The following MANEAL variants were observed in gnomAD, a reference collection of about 807,000 sequenced individuals.
The protein encoded by MANEAL is glycoprotein endo-alpha-1,2-mannosidase-like protein.
MANEAL carries 28 observed loss-of-function variants against 35.9 expected under a neutral mutation model. The ratio of observed to expected loss-of-function variants is 0.78; its 90% CI spans 0.58 to 1.07. The LOEUF (loss-of-function observed/expected upper bound fraction) is 1.07, where lower values mean the gene tolerates loss of function less well. MANEAL is among the 50% of genes least tolerant of loss of function. MANEAL has a pLI of 0.00. For synonymous variants in MANEAL, 286 were observed against 272.2 expected (o/e 1.05, Z -0.50); for missense variants, 576 against 629.6 (o/e 0.91, Z 0.91).
In MANEAL at chr1:37,799,661, G is replaced by A. The variant is rs780621575; in HGVS notation, c.832G>A (p.Glu278Lys). The A allele has an allele frequency of 6.2e-7, 1 of 1,614,190 alleles. No individual in the cohort carries two copies. The highest frequency in any genetic ancestry group is 1.6e-4 in the Middle Eastern group (1 of 6,062). ...YIYDSYLTSP[E>K]AWAHLLTPNG... ...CTACGACTCATACCTGACGTCCCCT[G>A]AGGCCTGGGCCCACCTCCTGACACC... The change falls in exon 4 of 4, where the codon GAG (glutamate) becomes AAG (lysine). Residue 278 changes from glutamate to lysine, a missense_variant. Physicochemically the swap from Glu to Lys is moderately conservative, Grantham distance 56. Coordinates refer to ENST00000373045, the MANE Select transcript of MANEAL (RefSeq NM_001113482.2). The surrounding 1 kb of genome is among the most constrained non-coding windows in gnomAD (Gnocchi z 4.1).
chr1:37,794,378 G>A lies in MANEAL; in HGVS notation c.196G>A (p.Ala66Thr). 1 of 1,073,436 alleles carries A rather than the reference G, an allele frequency of 9.3e-7. No homozygotes were observed. Among genetic ancestry groups the A allele is most frequent in the Non-Finnish European group, 1.1e-6 (1 of 888,220 alleles). The allele number at this position is 1,073,436 out of a possible 1,614,324, so 66.5% of individuals were successfully genotyped here. The change falls in exon 1 of 4, where the codon GCC (alanine) becomes ACC (threonine). Residue 66 changes from alanine (A) to threonine (T), a missense_variant. This residue lies in a region of MANEAL where 122 missense variants were observed against 97.2 expected (regional missense o/e 1.26). Coordinates refer to ENST00000373045, the MANE Select transcript of MANEAL (RefSeq NM_001113482.2). This position sits in a 1 kb window ranked among gnomAD's most constrained non-coding sequence, Gnocchi z 5.7. ...APAARAPAAP[A>T]APPPPPPPPR... ...CGCTGCCAGGGCCCCGGCAGCCCCT[G>A]CCGCGCCGCCCCCGCCGCCGCCGCC...
intron 2 of MANEAL, among the ~76,000 whole-genome samples, chr1:37,796,308 C>T (rs1438603069): frequency 2.0e-5 from 3 of 152,180 alleles, no homozygotes; most frequent in Admixed American, 1.3e-4. Context: ...TCATCCCTTG[C>T]TTCTGTGGTG....
chr1:37,799,532 C>A lies in MANEAL; in HGVS notation c.738-35C>A, dbSNP rs1025223549. The A allele has an allele frequency of 3.1e-6, 5 of 1,596,254 alleles. No homozygotes were observed. Among genetic ancestry groups the A allele is most frequent in the Non-Finnish European group, 4.3e-6 (5 of 1,171,556 alleles). ...AGGTCCTACAGCTGTGCTGGTCTCT[C>A]CCATCCAGCTGAGGCTCTTCTTTCT... On this transcript the variant is annotated intron_variant, in intron 3 of 3. Transcript: ENST00000373045. The surrounding 1 kb of genome is among the most constrained non-coding windows in gnomAD (Gnocchi z 4.1).
Position 37,794,275 on chromosome 1 carries a change from TC to T in MANEAL, c.95del (p.Pro32ArgfsTer144). The T allele has an allele frequency of 7.9e-7, 1 of 1,270,366 alleles. No homozygotes were observed. The highest frequency in any genetic ancestry group is 1.9e-5 in the South Asian group (1 of 53,834). 78.7% of individuals were successfully genotyped at this position (1,270,366 alleles called of 1,614,324 possible). A position where few individuals can be genotyped will look rare whatever the true frequency, so the allele number is the denominator to read the frequency against. On this transcript the variant is annotated frameshift_variant, in exon 1 of 4. Coordinates refer to ENST00000373045, the MANE Select transcript of MANEAL (RefSeq NM_001113482.2). LOFTEE classifies it high-confidence loss of function. The surrounding 1 kb of genome is among the most constrained non-coding windows in gnomAD (Gnocchi z 5.7). The part of the protein sequence containing the change: ...TLMGLRTLKA[P>X]DGLPALGPGL... ...TCATGGGTCTGCGCACGCTCAAGGC[TC>T]CGGACGGACTCCCGGCGCTGGGCCC...
Position 37,795,758 on chromosome 1 carries a change from ACCCACCTGGCATGGCTGATGATAAC to A in MANEAL, c.573_597del (p.Tyr191Ter). 1 of 1,614,082 alleles carries A rather than the reference ACCCACCTGGCATGGCTGATGATAAC, an allele frequency of 6.2e-7. No homozygotes were observed. Among genetic ancestry groups the A allele is most frequent in the Non-Finnish European group, 8.5e-7 (1 of 1,180,002 alleles). ...TCAGGCGTCCTGGTCCTGTCCTGGT[ACCCACCTGGCATGGCTGATGATAAC>A]GGGGAGCCCTCAGATGACCTGGTGC... On this transcript the variant is annotated frameshift_variant, in exon 2 of 4. Coordinates refer to ENST00000373045, the MANE Select transcript of MANEAL (RefSeq NM_001113482.2). LOFTEE classifies it high-confidence loss of function.
intron 1 of MANEAL, 28 bp from the exon 2 acceptor site, chr1:37,795,709 C>G: frequency 6.2e-7 from 1 of 1,613,880 alleles, no homozygotes; most frequent in Non-Finnish European, 8.5e-7. Flanking sequence ...CTGTGTGTCT[C>G]TGAAGTGGCC....
intron 3 of MANEAL, among the ~76,000 whole-genome samples, chr1:37,798,175 AG>A (rs1646661834): frequency 6.6e-6 from 1 of 151,910 alleles, no homozygotes; most frequent in Non-Finnish European, 1.5e-5. Context: ...AAAAAAAGAG[AG>A]TATTGAGTGC....
At position 37,795,848 on chromosome 1, in the gene MANEAL, T is replaced by TGA. The variant is rs1268814140; in HGVS notation, c.660+4_660+5dup. 1 of 1,613,258 alleles carries TGA rather than the reference T, an allele frequency of 6.2e-7. No homozygotes were observed. The highest frequency in any genetic ancestry group is 1.3e-5 in the African/African-American group (1 of 74,848). The stretch of plus-strand genomic sequence containing the variant: ...ACCGCCCATCAGTACAGCATCCAGG[T>TGA]GAGTCTCCAAGAAGAGGCCACGTGC... On this transcript the variant is annotated splice_region_variant and intron_variant, in intron 2 of 3. Coordinates refer to ENST00000373045, the MANE Select transcript of MANEAL (RefSeq NM_001113482.2).
chr1:37,799,516 A>AG lies in MANEAL; in HGVS notation c.738-50dup, dbSNP rs1443666613. ...GTATCTCATCCACGGGAGGTCCTAC[A>AG]GCTGTGCTGGTCTCTCCCATCCAGC... On this transcript the variant is annotated intron_variant, in intron 3 of 3. Transcript: ENST00000373045. This position sits in a 1 kb window ranked among gnomAD's most constrained non-coding sequence, Gnocchi z 4.1. The AG allele has an allele frequency of 1.9e-6, 3 of 1,570,770 alleles. No individual in the cohort carries two copies. Among genetic ancestry groups the AG allele is most frequent in the South Asian group, 1.2e-5 (1 of 85,158 alleles).
At position 37,800,358 on chromosome 1, in the gene MANEAL, C is replaced by T. The variant is rs1646688334; in HGVS notation, c.*155C>T. On this transcript the variant is annotated 3_prime_UTR_variant, in exon 4 of 4. Transcript: ENST00000373045. Reference sequence around the variant, plus strand: ...GTGGGCCGTCAGGCATGGGCCTGTGCAACACAGAGCCCGTTCCTCAGGCGA... The same window carrying T: ...GTGGGCCGTCAGGCATGGGCCTGTGTAACACAGAGCCCGTTCCTCAGGCGA... 2 of 834,934 alleles carry T rather than the reference C, an allele frequency of 2.4e-6. No individual in the cohort carries two copies. Among genetic ancestry groups the T allele is most frequent in the African/African-American group, 1.7e-5 (1 of 58,450 alleles). The allele number at this position is 834,934 out of a possible 1,614,324, so 51.7% of individuals were successfully genotyped here.
chr1:37,794,077 G>C lies in MANEAL; in HGVS notation c.-106G>C, dbSNP rs1646620054. 3 of 761,750 alleles carry C rather than the reference G, an allele frequency of 3.9e-6. No individual in the cohort carries two copies. Among genetic ancestry groups the C allele is most frequent in the South Asian group, 1.2e-4 (2 of 16,448 alleles). 47.2% of individuals were successfully genotyped at this position (761,750 alleles called of 1,614,324 possible). Reference sequence around the variant, plus strand: ...ACAGGCCGGGCGCCGCCCACGCCGCGCTCTGCCGGGCGCACAGTCTGCCTG... The same window carrying C: ...ACAGGCCGGGCGCCGCCCACGCCGCCCTCTGCCGGGCGCACAGTCTGCCTG... On this transcript the variant is annotated 5_prime_UTR_variant, in exon 1 of 4. Transcript: ENST00000373045. This position sits in a 1 kb window ranked among gnomAD's most constrained non-coding sequence, Gnocchi z 5.7.
Position 37,794,145 on chromosome 1 carries a change from G to A in MANEAL, c.-38G>A, listed in dbSNP as rs746029887. 1.0e-4 allele frequency: 117 copies of A among 1,132,510 alleles called. No individual in the cohort carries two copies. The highest frequency in any genetic ancestry group is 1.2e-4 in the Non-Finnish European group (110 of 925,612). The allele number at this position is 1,132,510 out of a possible 1,614,324, so 70.2% of individuals were successfully genotyped here. On this transcript the variant is annotated 5_prime_UTR_variant, in exon 1 of 4. Transcript: ENST00000373045. This position sits in a 1 kb window ranked among gnomAD's most constrained non-coding sequence, Gnocchi z 5.7. Reference sequence around the variant, plus strand: ...CGGGCGGCCATGGCGCGGCACGCTGGGAGGTAGCGCGGCGGCTGCAGGAGC... The same window carrying A: ...CGGGCGGCCATGGCGCGGCACGCTGAGAGGTAGCGCGGCGGCTGCAGGAGC...
At chr1:37,796,906 C>A in intron 3 of MANEAL, 86 bp downstream of exon 3, 2 of 1,283,896 alleles carry the variant, frequency 1.6e-6, no homozygotes, top group Non-Finnish European at 2.2e-6. Context: ...TCAAGAGACA[C>A]AGGGCATAAT....
Position 37,795,530 on chromosome 1 carries a change from C to T in MANEAL, c.551-207C>T, listed in dbSNP as rs891774975. Reference sequence around the variant, plus strand: ...CCTTCCGGCCTGGCGCGCTACGGTTCCCGCAGGCGCTCCGCTTCAGCACCG... The same window carrying T: ...CCTTCCGGCCTGGCGCGCTACGGTTTCCGCAGGCGCTCCGCTTCAGCACCG... On this transcript the variant is annotated intron_variant, in intron 1 of 3. Transcript: ENST00000373045. 5.7e-6 allele frequency: 8 copies of T among 1,391,554 alleles called. No homozygotes were observed. The South Asian group carries it at 7.6e-5, about 13-fold the overall frequency. 86.2% of individuals were successfully genotyped at this position (1,391,554 alleles called of 1,614,324 possible).
chr1:37,800,009 G>C lies in MANEAL; in HGVS notation c.1180G>C (p.Val394Leu). The C allele has an allele frequency of 6.2e-7, 1 of 1,614,236 alleles. No individual in the cohort carries two copies. The highest frequency in any genetic ancestry group is 8.5e-7 in the Non-Finnish European group (1 of 1,180,036). Reference protein sequence around the residue: ...YETALQAALTVRPEIVSITSF... With the variant: ...YETALQAALTLRPEIVSITSF... ...GACGGCCCTGCAGGCGGCCCTGACA[G>C]TGAGGCCCGAGATCGTTTCCATTAC... The change falls in exon 4 of 4, where the codon GTG becomes CTG. Residue 394 changes from valine to leucine, a missense_variant. Val to Leu is a conservative substitution (Grantham distance 32). Transcript: ENST00000373045.
chr1:37,796,736 T>G lies in MANEAL; in HGVS notation c.661-8T>G, dbSNP rs773744808. 1 of 1,598,524 alleles carries G rather than the reference T, an allele frequency of 6.3e-7. No individual in the cohort carries two copies. Among genetic ancestry groups the G allele is most frequent in the South Asian group, 1.1e-5 (1 of 88,864 alleles). On this transcript the variant is annotated splice_polypyrimidine_tract_variant and splice_region_variant and intron_variant, in intron 2 of 3. Coordinates refer to ENST00000373045, the MANE Select transcript of MANEAL (RefSeq NM_001113482.2). ...CTCACCTGACCATTACTCCTCTGTTTGTGGCAGGTGGCCTTCCACATCCAA... is the reference window on the plus strand; with the variant it reads ...CTCACCTGACCATTACTCCTCTGTTGGTGGCAGGTGGCCTTCCACATCCAA...
rs373161846 is a variant in MANEAL at position 37,799,706 on chromosome 1, C to T, written c.877C>T (p.Arg293Cys). 22 of 1,614,098 alleles carry T rather than the reference C, an allele frequency of 1.4e-5. No homozygotes were observed. The highest frequency in any genetic ancestry group is 6.7e-5 in the African/African-American group (5 of 74,926). ...GACACCAAACGGGCCCCATTCGATC[C>T]GCAACACGCCCTACGATGGGGTCTT... ...LLTPNGPHSI[R>C]NTPYDGVFIA... The change falls in exon 4 of 4, where the codon CGC (arginine) becomes TGC (cysteine). Residue 293 changes from arginine to cysteine, a missense_variant. Arg to Cys is a radical substitution (Grantham distance 180). Coordinates refer to ENST00000373045, the MANE Select transcript of MANEAL (RefSeq NM_001113482.2). The surrounding 1 kb of genome is among the most constrained non-coding windows in gnomAD (Gnocchi z 4.1).
Position 37,799,675 on chromosome 1 carries a change from C to T in MANEAL, c.846C>T (p.His282=). ...TGACGTCCCCTGAGGCCTGGGCCCA[C>T]CTCCTGACACCAAACGGGCCCCATT... ...SYLTSPEAWA[H]LLTPNGPHSI... is the part of the protein sequence containing the mutation. Residue 282 remains histidine (H), a synonymous_variant, in exon 4 of 4, where the codon CAC becomes CAT. Coordinates refer to ENST00000373045, the MANE Select transcript of MANEAL (RefSeq NM_001113482.2). The surrounding 1 kb of genome is among the most constrained non-coding windows in gnomAD (Gnocchi z 4.1). 6.2e-7 allele frequency: 1 copy of T among 1,614,206 alleles called. No individual in the cohort carries two copies. The highest frequency in any genetic ancestry group is 8.5e-7 in the Non-Finnish European group (1 of 1,180,046).
Position 37,795,806 on chromosome 1 carries a change from TGCCC to T in MANEAL, c.624_627del (p.Ala209PhefsTer65). The T allele has an allele frequency of 6.2e-7, 1 of 1,614,132 alleles. No individual in the cohort carries two copies. Among genetic ancestry groups the T allele is most frequent in the Non-Finnish European group, 8.5e-7 (1 of 1,180,014 alleles). Reference sequence around the variant, plus strand: ...AACGGGGAGCCCTCAGATGACCTGGTGCCCGCCATTCTGGACACCGCCCATCAGT... The same window carrying T: ...AACGGGGAGCCCTCAGATGACCTGGTGCCATTCTGGACACCGCCCATCAGT... On this transcript the variant is annotated frameshift_variant, in exon 2 of 4. Transcript: ENST00000373045. LOFTEE classifies it high-confidence loss of function.
Sources: allele counts gnomAD v4.1 joint callset (sites outside exome capture counted in the v4.1 genomes callset), GRCh38; gene constraint gnomAD v4.1.1; regional missense constraint gnomAD v4.1.1; non-coding constraint Gnocchi (gnomAD v3.1); transcripts MANE v1.5; gene names NCBI Gene and HGNC (gene_info 2026-07-23, HGNC 2026-07-21).